Variants in USP37 observed in about 807,000 individuals in gnomAD.
USP37 encodes ubiquitin carboxyl-terminal hydrolase 37.
Under a neutral mutation model 124.0 loss-of-function variants are expected in USP37, and 27 were observed. That is an observed-to-expected ratio of 0.22 (90% CI 0.16 to 0.30). The LOEUF is 0.30. Ranked by LOEUF, USP37 falls within the 10% of genes least tolerant of loss-of-function variation. USP37 has a pLI of 1.00. For missense variants in USP37, 889 were observed against 1,140.4 expected, an observed-to-expected ratio of 0.78 and a Z score of 3.17; for synonymous variants, 365 against 388.0, an observed-to-expected ratio of 0.94 and a Z score of 0.70.
intron 10 of USP37, 152 bp from the exon 11 acceptor site, chr2:218,510,292 A>C (rs537679936): frequency 2.9e-5 from 24 of 819,470 alleles, no homozygotes; most frequent in Non-Finnish European, 4.4e-5. Context: ...AAAACTCTAC[A>C]AACGTAAATT....
chr2:218,470,771 C>A (rs773907994), intron 20 of USP37, among the ~76,000 whole-genome samples: 1 of 152,204 alleles, frequency 6.6e-6, no homozygotes, highest in African/African-American at 2.4e-5. Flanking sequence ...ACTTTGCCTT[C>A]CTGCCCCTCC....
chr2:218,555,661 C>T (rs911131439), intron 4 of USP37, among the ~76,000 whole-genome samples: 7 of 152,140 alleles, frequency 4.6e-5, no homozygotes, highest in African/African-American at 1.7e-4. Context: ...CATCCAGCCC[C>T]ACAATTTCAG....
At chr2:218,481,972 TG>T in intron 17 of USP37, 97 bp downstream of exon 17, 1 of 1,378,780 alleles carries the variant, frequency 7.3e-7, no homozygotes, top group Non-Finnish European at 9.8e-7. Context: ...GATTTTACCT[TG>T]GAGTCATATT....
chr2:218,455,758 C>A, intron 24 of USP37, 40 bp from the exon 25 acceptor site: 1 of 1,601,226 alleles, frequency 6.2e-7, no homozygotes, highest in Non-Finnish European at 8.5e-7. Context: ...TTTTTAAAAA[C>A]ACACCGAAGC....
intron 11 of USP37, among the ~76,000 whole-genome samples, chr2:218,506,139 C>T (rs997635744): frequency 6.6e-6 from 1 of 152,090 alleles, no homozygotes; most frequent in Non-Finnish European, 1.5e-5. Context: ...GCTGGTATAA[C>T]AGGCATGAGT....
chr2:218,524,724 C>T (rs915785676), intron 10 of USP37, among the ~76,000 whole-genome samples: 2 of 152,174 alleles, frequency 1.3e-5, no homozygotes, highest in Admixed American at 6.5e-5. Flanking sequence ...ATTCTCCTGT[C>T]GCAGCGTCCT....
chr2:218,484,142 G>C (rs1419966730), intron 16 of USP37, among the ~76,000 whole-genome samples: 1 of 151,952 alleles, frequency 6.6e-6, no homozygotes, highest in African/African-American at 2.4e-5. Flanking sequence ...CTGGGCAACA[G>C]AACGAGACTC....
At chr2:218,523,224 C>T (rs959511193) in intron 10 of USP37, among the ~76,000 whole-genome samples, 5 of 151,928 alleles carry the variant, frequency 3.3e-5, no homozygotes, top group Non-Finnish European at 7.4e-5. Flanking sequence ...GATTGTGCCA[C>T]TGCACTCTAG....
intron 8 of USP37, among the ~76,000 whole-genome samples, chr2:218,545,212 A>C (rs1692253189): frequency 6.6e-6 from 1 of 152,380 alleles, no homozygotes; most frequent in South Asian, 2.1e-4. Context: ...AAATACAGGC[A>C]TATTTCCCAG....
intron 10 of USP37, among the ~76,000 whole-genome samples, chr2:218,524,701 C>T (rs2106018349): frequency 6.6e-6 from 1 of 152,346 alleles, no homozygotes; most frequent in Non-Finnish European, 1.5e-5. Flanking sequence ...CCTCTGCCTC[C>T]TGGGTTCAAG....
intron 1 of USP37, among the ~76,000 whole-genome samples, chr2:218,564,880 G>A (rs924458808): frequency 1.5e-4 from 23 of 151,888 alleles, no homozygotes; most frequent in African/African-American, 5.3e-4. Context: ...TTTTCAACAC[G>A]AATCCTGTTC....
intron 2 of USP37, among the ~76,000 whole-genome samples, chr2:218,562,143 T>C (rs1014029999): frequency 1.3e-5 from 2 of 152,254 alleles, no homozygotes; most frequent in African/African-American, 2.4e-5. Flanking sequence ...ACTAAATGAA[T>C]TGACAGCTAC....
chr2:218,550,073 A>G (rs903151352), intron 5 of USP37, among the ~76,000 whole-genome samples, 164 bp from the exon 6 acceptor site: 5 of 152,188 alleles, frequency 3.3e-5, no homozygotes, highest in Non-Finnish European at 7.3e-5. Context: ...CTGACAGAAT[A>G]TACATCTTAT....
chr2:218,539,249 G>A (rs1031397031), intron 8 of USP37, among the ~76,000 whole-genome samples: 4 of 152,000 alleles, frequency 2.6e-5, no homozygotes, highest in African/African-American at 4.8e-5. Context: ...ATTAGCCACC[G>A]TGCCCGACCT....
chr2:218,507,684 G>C (rs973519205), intron 11 of USP37, among the ~76,000 whole-genome samples: 2 of 152,138 alleles, frequency 1.3e-5, no homozygotes, highest in African/African-American at 4.8e-5. Flanking sequence ...GGATGAGAAT[G>C]ATGGAGGTGG....
intron 2 of USP37, 24 bp from the exon 3 acceptor site, chr2:218,560,907 A>C (rs1167452099): frequency 6.6e-6 from 1 of 152,236 alleles, no homozygotes; most frequent in African/African-American, 2.4e-5. Context: ...AAGATATATG[A>C]AAACACTTTC....
At chr2:218,479,403 T>C (rs932390607) in intron 18 of USP37, among the ~76,000 whole-genome samples, 2 of 152,218 alleles carry the variant, frequency 1.3e-5, no homozygotes, top group Non-Finnish European at 2.9e-5. Context: ...TTAACAATAA[T>C]AAGTTTTTAA....
chr2:218,474,040 A>G (rs1559169651), intron 20 of USP37, among the ~76,000 whole-genome samples: 1 of 152,206 alleles, frequency 6.6e-6, no homozygotes, highest in Non-Finnish European at 1.5e-5. Flanking sequence ...TAGAAAAAGC[A>G]ATGCATTGTG....
intron 20 of USP37, among the ~76,000 whole-genome samples, chr2:218,467,935 T>C (rs189470842): frequency 0.013 from 1,904 of 149,706 alleles, 41 homozygotes; most frequent in African/African-American, 0.045. Flanking sequence ...TCGCCCAGGG[T>C]GGAGTGCAGC....
Sources: gnomAD v4.1 joint callset for allele counts (sites outside exome capture counted in the v4.1 genomes callset) on GRCh38, gnomAD v4.1.1 for gene constraint, MANE v1.5 for transcripts, NCBI Gene and HGNC (gene_info 2026-07-23, HGNC 2026-07-21) for gene names.